ARHGEF28: variants seen among roughly 807,000 people sequenced by gnomAD.
ARHGEF28 encodes 190 kDa guanine nucleotide exchange factor.
In ARHGEF28, 152 loss-of-function variants were observed where a neutral mutation model predicts 206.6. The observed-to-expected ratio is 0.74, with a 90% CI of 0.64 to 0.84. The LOEUF (loss-of-function observed/expected upper bound fraction) is 0.84. ARHGEF28 is among the 40% of genes least tolerant of loss of function. The pLI, the probability that ARHGEF28 is intolerant of heterozygous loss-of-function variation, is 0.00. For synonymous variants in ARHGEF28, 763 were observed against 776.4 expected (o/e 0.98, Z 0.29); for missense variants, 2,028 against 2,073.2 (o/e 0.98, Z 0.42).
chr5:73,677,551 T>A (rs2112232141), intron 1 of ARHGEF28, among the ~76,000 whole-genome samples: 1 of 152,370 alleles, frequency 6.6e-6, no homozygotes, highest in African/African-American at 2.4e-5. Flanking sequence ...TTTTTCCATG[T>A]AAATGTTATA....
At chr5:73,930,239 T>A (rs61641143) in intron 35 of ARHGEF28, among the ~76,000 whole-genome samples, 10,297 of 152,232 alleles carry the variant, frequency 0.068, 857 homozygotes, top group African/African-American at 0.2. Context: ...GAACTCCAGT[T>A]CCCCCAGATC....
intron 1 of ARHGEF28, among the ~76,000 whole-genome samples, chr5:73,644,806 C>A (rs979230013): frequency 6.6e-6 from 1 of 152,210 alleles, no homozygotes; most frequent in African/African-American, 2.4e-5. Flanking sequence ...GAATTAGAAT[C>A]TCTGGCAGGT....
chr5:73,887,580 C>T (rs748655541), intron 25 of ARHGEF28, 23 bp from the exon 26 acceptor site: 1 of 1,512,580 alleles, frequency 6.6e-7, no homozygotes, highest in South Asian at 1.2e-5. Flanking sequence ...TTCATTAATA[C>T]TAGTAATGTT....
At chr5:73,886,470 C>A (rs1233129498) in intron 25 of ARHGEF28, among the ~76,000 whole-genome samples, 1 of 152,188 alleles carries the variant, frequency 6.6e-6, no homozygotes, top group African/African-American at 2.4e-5. Context: ...CATGTCAACA[C>A]AGCCTAGGGC....
intron 11 of ARHGEF28, among the ~76,000 whole-genome samples, chr5:73,844,270 G>C (rs1180495068): frequency 6.6e-6 from 1 of 152,154 alleles, no homozygotes; most frequent in Non-Finnish European, 1.5e-5. Flanking sequence ...GTTAAAATCG[G>C]ATATTATTGC....
intron 9 of ARHGEF28, among the ~76,000 whole-genome samples, chr5:73,811,840 G>A (rs369792083): frequency 3.3e-5 from 5 of 152,032 alleles, no homozygotes; most frequent in South Asian, 2.1e-4. Flanking sequence ...AAAATTAGCC[G>A]GGTGTGGTGG....
chr5:73,801,313 G>A (rs1044908110), intron 9 of ARHGEF28, among the ~76,000 whole-genome samples: 3 of 152,076 alleles, frequency 2.0e-5, no homozygotes, highest in Non-Finnish European at 4.4e-5. Flanking sequence ...CAGGCGTGGT[G>A]GTAGGCGCCT....
intron 7 of ARHGEF28, among the ~76,000 whole-genome samples, chr5:73,786,149 G>A (rs2112470570): frequency 6.6e-6 from 1 of 151,642 alleles, no homozygotes; most frequent in Middle Eastern, 3.5e-3. Flanking sequence ...GTTAGCACCT[G>A]CTACGTGCCA....
intron 9 of ARHGEF28, among the ~76,000 whole-genome samples, chr5:73,818,518 AAATC>A: frequency 6.6e-6 from 1 of 152,290 alleles, no homozygotes; most frequent in African/African-American, 2.4e-5. Flanking sequence ...GTCACTAGAG[AAATC>A]CTTATTAAGG....
intron 1 of ARHGEF28, among the ~76,000 whole-genome samples, chr5:73,653,484 C>T (rs764022700): frequency 6.6e-6 from 1 of 152,150 alleles, no homozygotes; most frequent in Non-Finnish European, 1.5e-5. Flanking sequence ...CTCTTAACTT[C>T]GGGATGGAGA....
intron 2 of ARHGEF28, among the ~76,000 whole-genome samples, chr5:73,749,055 C>T (rs1480088013): frequency 2.0e-5 from 3 of 152,162 alleles, no homozygotes; most frequent in African/African-American, 4.8e-5. Flanking sequence ...GAGGTGGCAG[C>T]TCCTCTCCTT....
At chr5:73,675,952 C>CGT (rs1561326222) in intron 1 of ARHGEF28, among the ~76,000 whole-genome samples, 1 of 151,298 alleles carries the variant, frequency 6.6e-6, no homozygotes, top group African/African-American at 2.4e-5. Flanking sequence ...GAACGTGAAC[C>CGT]GTGTGTGTGT....
At chr5:73,881,833 A>G (rs1191410291) in intron 22 of ARHGEF28, among the ~76,000 whole-genome samples, 1 of 152,230 alleles carries the variant, frequency 6.6e-6, no homozygotes, top group Non-Finnish European at 1.5e-5. Context: ...GGTAAGGCTT[A>G]TTGAAACATC....
At chr5:73,844,801 T>A (rs76587496) in intron 11 of ARHGEF28, among the ~76,000 whole-genome samples, 2,693 of 149,902 alleles carry the variant, frequency 0.018, 83 homozygotes, top group African/African-American at 0.062. Flanking sequence ...AACACACATT[T>A]GAAATGCTTC....
intron 14 of ARHGEF28, among the ~76,000 whole-genome samples, chr5:73,854,985 G>A (rs1422091804): frequency 6.6e-6 from 1 of 152,106 alleles, no homozygotes; most frequent in Non-Finnish European, 1.5e-5. Flanking sequence ...TACCATTAAA[G>A]GCTCTGAGAA....
At chr5:73,747,186 A>G (rs1279086321) in intron 2 of ARHGEF28, among the ~76,000 whole-genome samples, 3 of 152,184 alleles carry the variant, frequency 2.0e-5, no homozygotes, top group Admixed American at 6.5e-5. Flanking sequence ...TATGCCAACA[A>G]ATTTATCTAG....
chr5:73,892,970 T>A (rs1761736281), intron 27 of ARHGEF28, among the ~76,000 whole-genome samples: 1 of 152,206 alleles, frequency 6.6e-6, no homozygotes, highest in South Asian at 2.1e-4. Context: ...ACTGGAATAT[T>A]TGAGTCATCC....
chr5:73,813,797 C>T, intron 9 of ARHGEF28: 1 of 1,001,080 alleles, frequency 1.0e-6, no homozygotes, highest in African/African-American at 1.6e-5. Flanking sequence ...CTTTATAAAA[C>T]ACTCACTGTA....
At chr5:73,741,946 C>T (rs1046956754) in intron 2 of ARHGEF28, among the ~76,000 whole-genome samples, 1 of 151,992 alleles carries the variant, frequency 6.6e-6, no homozygotes, top group Non-Finnish European at 1.5e-5. Context: ...GTGGATTTGT[C>T]TATTCTATTG....
Sources: allele counts gnomAD v4.1 joint callset (sites outside exome capture counted in the v4.1 genomes callset), GRCh38; gene constraint gnomAD v4.1.1; transcripts MANE v1.5; gene names NCBI Gene and HGNC (gene_info 2026-07-23, HGNC 2026-07-21).